The following TRIM37 variants were observed in gnomAD, a reference collection of about 807,000 sequenced individuals.
TRIM37 encodes the protein E3 ubiquitin-protein ligase TRIM37.
In TRIM37, 80 loss-of-function variants were observed where a neutral mutation model predicts 129.8. The ratio of observed to expected loss-of-function variants is 0.62; its 90% CI spans 0.51 to 0.74. The LOEUF is 0.74. Among genes scored for constraint, TRIM37 ranks in the 30% least tolerant of loss-of-function variants. TRIM37 has a pLI of 0.00. For missense variants in TRIM37, 1,054 were observed against 1,176.5 expected (o/e 0.90, Z 1.52); for synonymous variants, 389 against 387.1 (o/e 1.00, Z -0.06).
At position 59,017,409 on chromosome 17, in the gene TRIM37, C is replaced by A; in HGVS notation, c.2273G>T (p.Ser758Ile). Reference protein sequence around the residue: ...CYIRNSTNKKSNSPKPARSSV... With the variant: ...CYIRNSTNKKINSPKPARSSV... ...GGATCGAGCTGGCTTGGGCGAATTACTCTTCTTATTTGTGGCTGCAAAGAC... is the reference window on the plus strand; with the variant it reads ...GGATCGAGCTGGCTTGGGCGAATTAATCTTCTTATTTGTGGCTGCAAAGAC... Residue 758 changes from serine (S) to isoleucine (I), a missense_variant, in exon 20 of 24, where the codon AGT becomes ATT. By Grantham distance (142) the Ser-to-Ile change is moderately radical. This residue lies in a region of TRIM37 where 287 missense variants were observed against 274.3 expected (regional missense o/e 1.05). Transcript: ENST00000262294. 6.2e-7 allele frequency: 1 copy of A among 1,614,066 alleles called. No homozygotes were observed. The highest frequency in any genetic ancestry group is 8.5e-7 in the Non-Finnish European group (1 of 1,179,960).
chr17:58,967,818 T>G, the TRIM37 span, among the ~76,000 whole-genome samples: 111 of 151,248 alleles, frequency 7.3e-4, no homozygotes, highest in Non-Finnish European at 1.4e-3. Context: ...TTTTTTTTTT[T>G]GAAACGGAGT....
chr17:59,067,307 T>C lies in TRIM37; in HGVS notation c.810-2902A>G, dbSNP rs116905651. 1.1e-4 allele frequency among the ~76,000 whole-genome samples: 16 copies of C among 152,330 alleles called. No homozygotes were observed. The East Asian group carries it at 3.1e-3, about 29-fold the overall frequency. On this transcript the variant is annotated intron_variant, in intron 9 of 23. Coordinates refer to ENST00000262294, the MANE Select transcript of TRIM37 (RefSeq NM_015294.6). ...GTTTTAAAATTTTCTCCTCCTCTCTTAGAAGTGTAGACTGCTCTGGTTATG... is the reference window on the plus strand; with the variant it reads ...GTTTTAAAATTTTCTCCTCCTCTCTCAGAAGTGTAGACTGCTCTGGTTATG...
chr17:58,968,404 G>C, the TRIM37 span, among the ~76,000 whole-genome samples: 1 of 152,130 alleles, frequency 6.6e-6, no homozygotes, highest in Non-Finnish European at 1.5e-5. Flanking sequence ...TAGCCTGGGT[G>C]TCAAAGTGAG....
chr17:59,016,665 C>T (rs1157519005), intron 20 of TRIM37, among the ~76,000 whole-genome samples: 1 of 146,314 alleles, frequency 6.8e-6, no homozygotes, highest in Non-Finnish European at 1.5e-5. Context: ...TGTCTGTGGT[C>T]CCAGCTACTT....
downstream of TRIM37, chr17:58,980,320 G>T: frequency 6.2e-7 from 1 of 1,614,128 alleles, no homozygotes. This position sits in a 1 kb window ranked among gnomAD's most constrained non-coding sequence, Gnocchi z 4.7. Flanking sequence ...GGGATGATAA[G>T]GAGAATCATG....
At chr17:59,062,672 A>C in intron 10 of TRIM37, 24 bp from the exon 11 acceptor site, 2 of 1,601,778 alleles carry the variant, frequency 1.2e-6, no homozygotes, top group South Asian at 2.2e-5. Context: ...AAACCAACCA[A>C]ATCCCAAGAT....
intron 11 of TRIM37, 71 bp from the exon 12 acceptor site, chr17:59,061,179 G>T: frequency 1.7e-6 from 2 of 1,166,450 alleles, no homozygotes; most frequent in Non-Finnish European, 2.6e-6. Flanking sequence ...GATAATATCT[G>T]ATATCTAGAT....
chr17:59,064,649 C>T (rs944756006), intron 9 of TRIM37, among the ~76,000 whole-genome samples: 3 of 152,176 alleles, frequency 2.0e-5, no homozygotes, highest in African/African-American at 7.2e-5. Flanking sequence ...TGGCTCACCC[C>T]TATAATCCCA....
chr17:59,044,240 G>A (rs945180621), intron 16 of TRIM37, among the ~76,000 whole-genome samples: 1 of 152,126 alleles, frequency 6.6e-6, no homozygotes, highest in East Asian at 1.9e-4. Flanking sequence ...CCAGGAGGTC[G>A]AGGTTGCAGT....
At chr17:59,027,800 C>T (rs912290443) in intron 19 of TRIM37, among the ~76,000 whole-genome samples, 1 of 152,158 alleles carries the variant, frequency 6.6e-6, no homozygotes, top group African/African-American at 2.4e-5. Context: ...TAAATTCTGC[C>T]TACCTCTCTC....
chr17:59,036,468 G>GTA (rs2038514166), intron 17 of TRIM37, among the ~76,000 whole-genome samples: 1 of 151,360 alleles, frequency 6.6e-6, no homozygotes, highest in Non-Finnish European at 1.5e-5. Context: ...GTGTGTGTGT[G>GTA]TGTGTGTGTG....
chr17:59,060,350 T>C (rs1359285029), intron 12 of TRIM37, among the ~76,000 whole-genome samples: 1 of 151,946 alleles, frequency 6.6e-6, no homozygotes, highest in Non-Finnish European at 1.5e-5. Context: ...TTTTTGGTTG[T>C]TGCAGGAAAA....
chr17:58,989,702 G>A (rs1260093337), intron 24 of TRIM37, among the ~76,000 whole-genome samples: 2 of 151,868 alleles, frequency 1.3e-5, no homozygotes, highest in African/African-American at 2.4e-5. Context: ...AAAAATGAAG[G>A]GAAAACAAAA....
chr17:58,971,877 T>C, the TRIM37 span, among the ~76,000 whole-genome samples: 1 of 152,258 alleles, frequency 6.6e-6, no homozygotes, highest in Non-Finnish European at 1.5e-5. Flanking sequence ...AGTTTTCTTA[T>C]CTATATTTAA....
At chr17:59,001,758 G>GT (rs1299377168) in intron 22 of TRIM37, 44 bp from the exon 23 acceptor site, 1 of 1,609,410 alleles carries the variant, frequency 6.2e-7, no homozygotes, top group Non-Finnish European at 8.5e-7. Context: ...AGAAACCACT[G>GT]TAAGTAAAAG....
chr17:58,972,146 G>C, the TRIM37 span: 1 of 1,613,404 alleles, frequency 6.2e-7, no homozygotes, highest in Non-Finnish European at 8.5e-7. Context: ...TAAGATGTGG[G>C]ACCACAGGAG....
At chr17:59,030,598 A>G (rs2145579759) in intron 18 of TRIM37, among the ~76,000 whole-genome samples, 1 of 152,260 alleles carries the variant, frequency 6.6e-6, no homozygotes, top group East Asian at 1.9e-4. Flanking sequence ...TACACAGAAA[A>G]CTAGTTTTAC....
intron 16 of TRIM37, 131 bp from the exon 17 acceptor site, chr17:59,042,029 A>G: frequency 1.5e-6 from 1 of 687,474 alleles, no homozygotes; most frequent in East Asian, 2.9e-5. Flanking sequence ...AAGGAGAAAG[A>G]TTTTTGTCAT....
intron 2 of TRIM37, among the ~76,000 whole-genome samples, chr17:59,101,052 A>G (rs1322327439): frequency 6.6e-6 from 1 of 151,944 alleles, no homozygotes; most frequent in African/African-American, 2.4e-5. Context: ...CAAAACAAAC[A>G]AAAAAACTGT....
Sources: gnomAD v4.1 joint callset for allele counts (sites outside exome capture counted in the v4.1 genomes callset) on GRCh38, gnomAD v4.1.1 for gene constraint, gnomAD v4.1.1 regional missense constraint, Gnocchi (gnomAD v3.1) non-coding constraint, MANE v1.5 for transcripts, NCBI Gene and HGNC (gene_info 2026-07-23, HGNC 2026-07-21) for gene names.